Variants in CADPS2 observed in about 807,000 individuals in gnomAD.
CADPS2 encodes calcium dependent secretion activator 2.
Under a neutral mutation model 172.5 loss-of-function variants are expected in CADPS2, and 93 were observed. That is an observed-to-expected ratio of 0.54 (90% CI 0.46 to 0.64). CADPS2 has a LOEUF of 0.64. Among genes scored for constraint, CADPS2 ranks in the 30% least tolerant of loss-of-function variants. The pLI, the probability that CADPS2 is intolerant of heterozygous loss-of-function variation, is 0.00. For synonymous variants in CADPS2, 546 were observed against 555.2 expected (o/e 0.98, Z 0.23); for missense variants, 1,420 against 1,565.9 (o/e 0.91, Z 1.57).
At chr7:122,549,968 A>C (rs2064052417) in intron 8 of CADPS2, among the ~76,000 whole-genome samples, 1 of 152,196 alleles carries the variant, frequency 6.6e-6, no homozygotes, top group Non-Finnish European at 1.5e-5. Flanking sequence ...TTAGTTGGAG[A>C]TCATAAACCC....
At chr7:122,694,143 G>T (rs1162832025) in intron 2 of CADPS2, among the ~76,000 whole-genome samples, 1 of 152,180 alleles carries the variant, frequency 6.6e-6, no homozygotes, top group Non-Finnish European at 1.5e-5. Flanking sequence ...AGTGTAGGAG[G>T]CAAGGAATTT....
At chr7:122,416,775 G>T (rs192856086) in intron 17 of CADPS2, among the ~76,000 whole-genome samples, 27 of 152,308 alleles carry the variant, frequency 1.8e-4, no homozygotes, top group African/African-American at 6.5e-4. Flanking sequence ...GAAGCTGAAG[G>T]TTCTTTCTGC....
At chr7:122,406,255 A>C (rs2046626146) in intron 20 of CADPS2, among the ~76,000 whole-genome samples, 1 of 152,238 alleles carries the variant, frequency 6.6e-6, no homozygotes, top group African/African-American at 2.4e-5. Flanking sequence ...CAAAACCAAT[A>C]AAGATTTTTC....
intron 28 of CADPS2, among the ~76,000 whole-genome samples, chr7:122,326,678 A>T (rs1585026648): frequency 6.6e-6 from 1 of 152,060 alleles, no homozygotes; most frequent in African/African-American, 2.4e-5. Context: ...CCGAAAAAAA[A>T]TTAGAAAAAA....
At chr7:122,539,092 A>C (rs555551583) in intron 8 of CADPS2, among the ~76,000 whole-genome samples, 1 of 152,272 alleles carries the variant, frequency 6.6e-6, no homozygotes, top group South Asian at 2.1e-4. Context: ...TATATTAACC[A>C]ATACAAAGTG....
chr7:122,365,612 G>T (rs1342065996), intron 25 of CADPS2, among the ~76,000 whole-genome samples: 3 of 152,102 alleles, frequency 2.0e-5, no homozygotes, highest in Non-Finnish European at 2.9e-5. Context: ...AACACTTATG[G>T]GTTTGCCTTT....
At chr7:122,682,211 T>C (rs1175872998) in intron 2 of CADPS2, among the ~76,000 whole-genome samples, 2 of 152,182 alleles carry the variant, frequency 1.3e-5, no homozygotes, top group Admixed American at 1.3e-4. Flanking sequence ...TTTGACACTG[T>C]GCAACAAAGA....
intron 1 of CADPS2, among the ~76,000 whole-genome samples, chr7:122,842,787 G>A (rs1256990419): frequency 6.6e-6 from 1 of 152,128 alleles, no homozygotes; most frequent in East Asian, 1.9e-4. Flanking sequence ...GCTAGAAGGT[G>A]TAAAGGAGGG....
chr7:122,399,719 CTCTGTCACCAAGTCTGGAGTGCAGT>C, intron 20 of CADPS2, among the ~76,000 whole-genome samples: 1 of 99,656 alleles, frequency 1.0e-5, no homozygotes, highest in South Asian at 3.6e-4. Context: ...CGGAGTCTCG[CTCTGTCACCAAGTCTGGAGTGCAGT>C]GGCGCGATCT....
At chr7:122,461,843 C>T (rs2152101687) in intron 14 of CADPS2, among the ~76,000 whole-genome samples, 1 of 152,164 alleles carries the variant, frequency 6.6e-6, no homozygotes, top group African/African-American at 2.4e-5. Flanking sequence ...ATCCACCCGC[C>T]TCGGCCTCCC....
chr7:122,653,308 G>A (rs900053876), intron 3 of CADPS2, among the ~76,000 whole-genome samples: 1 of 152,190 alleles, frequency 6.6e-6, no homozygotes, highest in African/African-American at 2.4e-5. Context: ...GTTAGGAGAA[G>A]TCTCAAAGCT....
At chr7:122,813,094 C>T (rs962118543) in intron 1 of CADPS2, among the ~76,000 whole-genome samples, 1 of 152,038 alleles carries the variant, frequency 6.6e-6, no homozygotes, top group African/African-American at 2.4e-5. Context: ...TCTGCTCAAT[C>T]AGATTTCAAA....
intron 17 of CADPS2, among the ~76,000 whole-genome samples, chr7:122,434,548 T>G (rs900669992): frequency 1.3e-5 from 2 of 152,150 alleles, no homozygotes; most frequent in African/African-American, 4.8e-5. Flanking sequence ...GCCTACTTTG[T>G]GTCAGCAGAC....
intron 6 of CADPS2, among the ~76,000 whole-genome samples, chr7:122,587,539 C>G (rs961499559): frequency 1.3e-5 from 2 of 151,982 alleles, no homozygotes; most frequent in African/African-American, 4.8e-5. Context: ...GGTTGATTCC[C>G]TATCTTTGCT....
chr7:122,426,730 T>A (rs547748420), intron 17 of CADPS2, among the ~76,000 whole-genome samples: 3 of 152,344 alleles, frequency 2.0e-5, no homozygotes, highest in Admixed American at 6.5e-5. Context: ...CTATGTCTCT[T>A]GGTGTACCTG....
intron 8 of CADPS2, among the ~76,000 whole-genome samples, chr7:122,549,498 G>C (rs1031471778): frequency 1.8e-4 from 27 of 152,008 alleles, no homozygotes; most frequent in African/African-American, 6.3e-4. Context: ...GTGCATGCCT[G>C]TAGTCTCAGC....
intron 8 of CADPS2, among the ~76,000 whole-genome samples, chr7:122,551,236 G>A (rs1464901154): frequency 6.6e-6 from 1 of 151,954 alleles, no homozygotes; most frequent in Non-Finnish European, 1.5e-5. Flanking sequence ...TCAATAAACT[G>A]TGTTTAGAAT....
At chr7:122,665,312 G>C (rs2081071324) in intron 2 of CADPS2, among the ~76,000 whole-genome samples, 1 of 152,024 alleles carries the variant, frequency 6.6e-6, no homozygotes, top group African/African-American at 2.4e-5. Flanking sequence ...CCCTCTTAAG[G>C]TCACTCACAC....
chr7:122,456,488 T>C (rs944098830), intron 14 of CADPS2, among the ~76,000 whole-genome samples: 7 of 152,148 alleles, frequency 4.6e-5, no homozygotes, highest in Non-Finnish European at 7.3e-5. Context: ...AGGCTTAATA[T>C]ATGAAAAAAT....
Sources: gnomAD v4.1 joint callset for allele counts (sites outside exome capture counted in the v4.1 genomes callset) on GRCh38, gnomAD v4.1.1 for gene constraint, MANE v1.5 for transcripts, NCBI Gene and HGNC (gene_info 2026-07-23, HGNC 2026-07-21) for gene names.